The following DDX27 variants were observed in gnomAD, a reference collection of about 807,000 sequenced individuals.
DDX27 encodes DEAD-box helicase 27, also known as probable ATP-dependent RNA helicase DDX27.
Under a neutral mutation model 99.3 loss-of-function variants are expected in DDX27, and 42 were observed. The observed-to-expected ratio is 0.42, with a 90% CI of 0.33 to 0.55. The LOEUF is 0.55. DDX27 is among the 20% of genes least tolerant of loss of function. The pLI is 0.07. For missense variants in DDX27, 798 were observed against 976.8 expected (o/e 0.82, Z 2.44); for synonymous variants, 329 against 353.8 (o/e 0.93, Z 0.79).
chr20:49,223,375 A>G lies in DDX27; in HGVS notation c.408A>G (p.Glu136=). Residue 136 remains glutamate, a synonymous_variant, in exon 4 of 21, where the codon GAA becomes GAG. Transcript: ENST00000618172. The stretch of plus-strand genomic sequence containing the variant: ...AAGAGAATGATGAGGAAGGCTCAGA[A>G]GATGAAGCCTCGGAGACTGACTACT... ...DLQENDEEGS[E]DEASETDYSS... 1 of 1,614,058 alleles carries G rather than the reference A, an allele frequency of 6.2e-7. No homozygotes were observed. Among genetic ancestry groups the G allele is most frequent in the Non-Finnish European group, 8.5e-7 (1 of 1,179,982 alleles).
chr20:49,236,071 TC>T lies in DDX27; in HGVS notation c.1428-77del. On this transcript the variant is annotated intron_variant, in intron 12 of 20. Coordinates refer to ENST00000618172, the MANE Select transcript of DDX27 (RefSeq NM_017895.8). The surrounding 1 kb of genome is among the most constrained non-coding windows in gnomAD (Gnocchi z 4.1). ...ATCCCCATTTTAATGCCCTGTTCTG[TC>T]CTCTGCTGGCTCAGGCTCTTGTGGA... 7.2e-7 allele frequency: 1 copy of T among 1,395,236 alleles called. No individual in the cohort carries two copies. 86.4% of individuals were successfully genotyped at this position (1,395,236 alleles called of 1,614,324 possible). A position where few individuals can be genotyped will look rare whatever the true frequency, so the allele number is the denominator to read the frequency against.
In DDX27 at chr20:49,239,343, G is replaced by T; in HGVS notation, c.1897+5G>T. 6.2e-7 allele frequency: 1 copy of T among 1,602,826 alleles called. No homozygotes were observed. ...AAGAGAGGAAGAAGGAGAAAAGTAA[G>T]TCAGGGAGGTTCCGCAGAAATCTAA... is the stretch of plus-strand genomic sequence containing the variant. On this transcript the variant is annotated splice_donor_5th_base_variant and intron_variant, in intron 16 of 20. Coordinates refer to ENST00000618172, the MANE Select transcript of DDX27 (RefSeq NM_017895.8).
At chr20:49,231,417 A>T (rs1273667740) in intron 9 of DDX27, among the ~76,000 whole-genome samples, 2 of 152,214 alleles carry the variant, frequency 1.3e-5, no homozygotes, top group African/African-American at 2.4e-5. Flanking sequence ...AGATCATTTT[A>T]AGCCAAGGGG....
rs116472698 is a variant in DDX27, at chr20:49,239,208, G to T, written c.1795-28G>T. The stretch of plus-strand genomic sequence containing the variant: ...CTGTGTTAGTAGATACGGGTTTCAC[G>T]GCAGGCATCCTTTTGTTATCTCTAC... On this transcript the variant is annotated intron_variant, in intron 15 of 20. Transcript: ENST00000618172. 1.0e-3 allele frequency: 1,684 copies of T among 1,607,162 alleles called. 17 individuals carry two copies. In the African/African-American group the frequency reaches 0.02, roughly 19 times the overall value.
At chr20:49,233,860 C>T in intron 11 of DDX27, 151 bp downstream of exon 11, 1 of 805,924 alleles carries the variant, frequency 1.2e-6, no homozygotes, top group Non-Finnish European at 1.9e-6. Context: ...GATCCGCTGC[C>T]TCTCTTCTCC....
Position 49,239,275 on chromosome 20 carries a change from G to T in DDX27, c.1834G>T (p.Ala612Ser), listed in dbSNP as rs761761416. The T allele has an allele frequency of 1.9e-6, 3 of 1,613,998 alleles. No individual in the cohort carries two copies. Among genetic ancestry groups the T allele is most frequent in the Non-Finnish European group, 2.5e-6 (3 of 1,180,048 alleles). Residue 612 changes from alanine to serine, a missense_variant, in exon 16 of 21, where the codon GCA becomes TCA. Coordinates refer to ENST00000618172, the MANE Select transcript of DDX27 (RefSeq NM_017895.8). ...GCGGCTCCTGGAGAAGGGGAAGGAG[G>T]CAGTGGTCCAAGAGCCCGAGAGGAG... ...AKRLLEKGKE[A>S]VVQEPERSWF...
At chr20:49,238,899 A>G in intron 14 of DDX27, 50 bp from the exon 15 acceptor site, 2 of 1,409,576 alleles carry the variant, frequency 1.4e-6, no homozygotes, top group South Asian at 1.2e-5. Flanking sequence ...GTGAGCCACC[A>G]TGCCTGGCCT....
chr20:49,221,700 C>T (rs943242479), intron 2 of DDX27, 102 bp downstream of exon 2: 4 of 994,752 alleles, frequency 4.0e-6, no homozygotes, highest in Non-Finnish European at 5.7e-6. Flanking sequence ...TGTTTACATT[C>T]AGCAGATACT....
intron 19 of DDX27, 147 bp downstream of exon 19, chr20:49,242,828 TCTC>T: frequency 2.7e-6 from 2 of 748,830 alleles, no homozygotes; most frequent in South Asian, 3.7e-5. Flanking sequence ...TTCAAGCAAT[TCTC>T]CTGCCTCAGT....
intron 11 of DDX27, 116 bp from the exon 12 acceptor site, chr20:49,234,819 A>G (rs1600973291): frequency 7.9e-7 from 1 of 1,262,940 alleles, no homozygotes; most frequent in Non-Finnish European, 1.1e-6. Context: ...CAGGACAGGG[A>G]CAGTGCCTGT....
intron 1 of DDX27, among the ~76,000 whole-genome samples, chr20:49,220,724 A>T (rs1176577648): frequency 6.6e-6 from 1 of 152,190 alleles, no homozygotes; most frequent in South Asian, 2.1e-4. Context: ...AGGCCCCTGT[A>T]CAGTGCCCGG....
At position 49,223,301 on chromosome 20, in the gene DDX27, G is replaced by A; in HGVS notation, c.334G>A (p.Glu112Lys). 6.2e-7 allele frequency: 1 copy of A among 1,613,250 alleles called. No homozygotes were observed. The highest frequency in any genetic ancestry group is 8.5e-7 in the Non-Finnish European group (1 of 1,179,842). Reference sequence around the variant, plus strand: ...AGCCAAGTCTGGGAAGTTGGAAAAGGAGAAAGAAGCAAAGGAAGGCTCTGA... The same window carrying A: ...AGCCAAGTCTGGGAAGTTGGAAAAGAAGAAAGAAGCAAAGGAAGGCTCTGA... ...KEAKSGKLEK[E>K]KEAKEGSEPK... The change falls in exon 4 of 21, where the codon GAG becomes AAG. Residue 112 changes from glutamate (E) to lysine (K), a missense_variant. Transcript: ENST00000618172.
chr20:49,219,621 C>A, intron 1 of DDX27, 80 bp downstream of exon 1: 1 of 1,410,414 alleles, frequency 7.1e-7, no homozygotes, highest in South Asian at 1.4e-5. Context: ...TCCCCGAATC[C>A]TCATCATCCC....
intron 12 of DDX27, 187 bp downstream of exon 12, chr20:49,235,275 A>C (rs1162785906): frequency 1.8e-6 from 1 of 547,676 alleles, no homozygotes; most frequent in Non-Finnish European, 2.9e-6. Context: ...CTCTAACTTC[A>C]TAGTCAGAGA....
In DDX27 at chr20:49,236,796, T is replaced by A. The variant is rs953799655; in HGVS notation, c.1687+286T>A. Among the ~76,000 whole-genome samples, 6 of 152,208 alleles carry A rather than the reference T, an allele frequency of 3.9e-5. No individual in the cohort carries two copies. The highest frequency in any genetic ancestry group is 1.4e-4 in the African/African-American group (6 of 41,450). On this transcript the variant is annotated intron_variant, in intron 14 of 20. Coordinates refer to ENST00000618172, the MANE Select transcript of DDX27 (RefSeq NM_017895.8). The surrounding 1 kb of genome is among the most constrained non-coding windows in gnomAD (Gnocchi z 4.1). Reference sequence around the variant, plus strand: ...AATTCTCACTAAACTCCTCTTTCCCTTACTGTTGGTGGTGGGGAAGAGAGA... The same window carrying A: ...AATTCTCACTAAACTCCTCTTTCCCATACTGTTGGTGGTGGGGAAGAGAGA...
chr20:49,230,203 C>A lies in DDX27; in HGVS notation c.885C>A (p.Gly295=), dbSNP rs141593754. 1.2e-6 allele frequency: 2 copies of A among 1,611,524 alleles called. No homozygotes were observed. The highest frequency in any genetic ancestry group is 2.7e-5 in the African/African-American group (2 of 74,906). The change falls in exon 9 of 21, where the codon GGC becomes GGA. Residue 295 remains glycine, a synonymous_variant. Transcript: ENST00000618172. The part of the protein sequence containing the change: ...CNITTCLAVG[G]LDVKSQEAAL... ...GGGGCTCTCTTCTCTTTGCAGGCGG[C>A]TTGGATGTGAAGTCTCAGGAAGCAG...
At chr20:49,229,096 G>A (rs1273760522) in intron 8 of DDX27, among the ~76,000 whole-genome samples, 1 of 149,370 alleles carries the variant, frequency 6.7e-6, no homozygotes, top group African/African-American at 2.5e-5. Flanking sequence ...GGAGTGCAGT[G>A]GCGCAATCTT....
At chr20:49,221,944 A>C (rs757670859) in intron 2 of DDX27, among the ~76,000 whole-genome samples, 13 of 151,792 alleles carry the variant, frequency 8.6e-5, no homozygotes, top group Non-Finnish European at 1.5e-4. Context: ...GCACAGCCAA[A>C]GCTACCACAG....
chr20:49,221,655 A>G (rs2146704451), intron 2 of DDX27, 57 bp downstream of exon 2: 1 of 1,498,692 alleles, frequency 6.7e-7, no homozygotes, highest in South Asian at 1.3e-5. Context: ...TTGGACTGTG[A>G]GTTTCAGGGC....
Sources: gnomAD v4.1 joint callset for allele counts (sites outside exome capture counted in the v4.1 genomes callset) on GRCh38, gnomAD v4.1.1 for gene constraint, Gnocchi (gnomAD v3.1) non-coding constraint, MANE v1.5 for transcripts, NCBI Gene and HGNC (gene_info 2026-07-23, HGNC 2026-07-21) for gene names.